The following NRXN1 variants were observed in gnomAD, a reference collection of about 807,000 sequenced individuals.
NRXN1 encodes neurexin 1, also known as neurexin-1.
Under a neutral mutation model 150.9 loss-of-function variants are expected in NRXN1, and 39 were observed. The observed-to-expected ratio is 0.26, with a 90% confidence interval of 0.20 to 0.34. The LOEUF (loss-of-function observed/expected upper bound fraction) is 0.34, where lower values mean the gene tolerates loss of function less well. Ranked by LOEUF, NRXN1 falls within the 10% of genes least tolerant of loss-of-function variation. NRXN1 has a pLI of 1.00. For missense variants in NRXN1, 1,815 were observed against 1,949.9 expected, an observed-to-expected ratio of 0.93 and a Z score of 1.30; for synonymous variants, 924 against 757.0, an observed-to-expected ratio of 1.22 and a Z score of -3.62.
At chr2:50,298,898 A>C (rs2073888248) in intron 17 of NRXN1, among the ~76,000 whole-genome samples, 1 of 152,148 alleles carries the variant, frequency 6.6e-6, no homozygotes, top group African/African-American at 2.4e-5. Context: ...TTTTGAAATG[A>C]ACATTTATTT....
intron 5 of NRXN1, among the ~76,000 whole-genome samples, chr2:50,810,315 C>A (rs1047376084): frequency 6.6e-6 from 1 of 152,176 alleles, no homozygotes. Context: ...CTTTCAAAAT[C>A]TGTTTTCATA....
At chr2:50,127,641 T>C (rs115968016) in intron 18 of NRXN1, among the ~76,000 whole-genome samples, 1,763 of 152,232 alleles carry the variant, frequency 0.012, 36 homozygotes, top group African/African-American at 0.04. Flanking sequence ...TATCTCTCAA[T>C]TTAGGAGACA....
intron 17 of NRXN1, among the ~76,000 whole-genome samples, chr2:50,427,504 T>A (rs1443824329): frequency 2.0e-5 from 3 of 152,184 alleles, no homozygotes; most frequent in Non-Finnish European, 4.4e-5. Flanking sequence ...TAGGTTGGTT[T>A]CTCTAGCAGA....
At chr2:50,617,779 TA>T (rs200561868) in intron 8 of NRXN1, among the ~76,000 whole-genome samples, 19 of 151,296 alleles carry the variant, frequency 1.3e-4, no homozygotes, top group African/African-American at 1.2e-4. Flanking sequence ...AAGGCCAATA[TA>T]AAAAAAAATG....
intron 8 of NRXN1, among the ~76,000 whole-genome samples, chr2:50,582,167 T>A (rs992686030): frequency 6.6e-6 from 1 of 152,142 alleles, no homozygotes; most frequent in Non-Finnish European, 1.5e-5. Context: ...TCGCTATAAA[T>A]TGCAGCTTTG....
At chr2:50,359,688 G>A (rs1047764071) in intron 17 of NRXN1, among the ~76,000 whole-genome samples, 2 of 152,084 alleles carry the variant, frequency 1.3e-5, no homozygotes, top group Non-Finnish European at 2.9e-5. Context: ...CACACTTCAG[G>A]ATATTATCCA....
chr2:49,960,837 T>A (rs1480381941), intron 21 of NRXN1, among the ~76,000 whole-genome samples: 2 of 152,214 alleles, frequency 1.3e-5, no homozygotes, highest in Admixed American at 6.5e-5. Flanking sequence ...ACTGAACTCA[T>A]GCTTCATTGA....
chr2:50,273,931 G>C (rs924588537), intron 17 of NRXN1, among the ~76,000 whole-genome samples: 2 of 152,230 alleles, frequency 1.3e-5, no homozygotes, highest in South Asian at 2.1e-4. Flanking sequence ...GTTGGTGGGA[G>C]TGTAAATTAG....
chr2:49,922,372 A>G lies in NRXN1; in HGVS notation c.4217-121T>C, dbSNP rs17039448. Reference sequence around the variant, plus strand: ...ACCTATGCTTTAGGAAAGGTATGCTATTGATAAATGTAGCCATCCCTTTGC... The same window carrying G: ...ACCTATGCTTTAGGAAAGGTATGCTGTTGATAAATGTAGCCATCCCTTTGC... On this transcript the variant is annotated intron_variant, in intron 22 of 22. Transcript: ENST00000401669. 200,297 of 1,021,556 alleles carry G rather than the reference A, an allele frequency of 0.2. 21,074 individuals are homozygous for G. Among genetic ancestry groups the G allele is most frequent in the East Asian group, 0.3 (11,640 of 38,554 alleles). The allele number at this position is 1,021,556 out of a possible 1,614,324, so 63.3% of individuals were successfully genotyped here.
Position 50,253,167 on chromosome 2 carries a change from G to A in NRXN1, c.3365-16197C>T, listed in dbSNP as rs192947690. Among the ~76,000 whole-genome samples the A allele has an allele frequency of 7.2e-5, 11 of 152,100 alleles. No homozygotes were observed. The East Asian group carries it at 2.1e-3, about 29-fold the overall frequency. ...TATTCCTAGGTATTTTATTGTTTTT[G>A]TAGTAATTGTGAATGGGAGTTCATT... On this transcript the variant is annotated intron_variant, in intron 17 of 22. Transcript: ENST00000401669.
chr2:50,867,837 T>C lies in NRXN1; in HGVS notation c.832+54032A>G, dbSNP rs375345220. ...AAAAAGAGTAATTTTCTGAAGTATTTTTGACAGCAATTAATTTCACAGGGG... is the reference window on the plus strand; with the variant it reads ...AAAAAGAGTAATTTTCTGAAGTATTCTTGACAGCAATTAATTTCACAGGGG... On this transcript the variant is annotated intron_variant, in intron 5 of 22. Transcript: ENST00000401669. Among the ~76,000 whole-genome samples, 51 of 151,854 alleles carry C rather than the reference T, an allele frequency of 3.4e-4. No homozygotes were observed. The South Asian group carries it at 1.0e-2, about 30-fold the overall frequency.
intron 5 of NRXN1, among the ~76,000 whole-genome samples, chr2:50,662,176 G>A (rs1687395537): frequency 6.6e-6 from 1 of 151,950 alleles, no homozygotes; most frequent in African/African-American, 2.4e-5. Flanking sequence ...TCATCTGCAA[G>A]GAAAAGCTGC....
At chr2:49,939,814 A>C (rs1671665812) in intron 22 of NRXN1, among the ~76,000 whole-genome samples, 1 of 152,210 alleles carries the variant, frequency 6.6e-6, no homozygotes, top group Admixed American at 6.5e-5. Context: ...CTGAAGGTAT[A>C]AACTTTCTAT....
At chr2:50,881,377 C>T (rs1202339161) in intron 5 of NRXN1, among the ~76,000 whole-genome samples, 2 of 151,894 alleles carry the variant, frequency 1.3e-5, no homozygotes, top group East Asian at 3.9e-4. Flanking sequence ...TGAAAAATAG[C>T]ATTGAATCCT....
intron 17 of NRXN1, among the ~76,000 whole-genome samples, chr2:50,334,367 C>T (rs947402677): frequency 6.6e-6 from 1 of 151,856 alleles, no homozygotes; most frequent in African/African-American, 2.4e-5. Flanking sequence ...CTGTTGTTTT[C>T]TTTTAAAAGC....
chr2:50,138,247 T>G (rs1706710181), intron 18 of NRXN1, among the ~76,000 whole-genome samples: 1 of 152,182 alleles, frequency 6.6e-6, no homozygotes, highest in African/African-American at 2.4e-5. Context: ...TTTATAAGTA[T>G]GTATATATTG....
intron 21 of NRXN1, among the ~76,000 whole-genome samples, chr2:49,954,206 C>T (rs180958399): frequency 2.1e-4 from 30 of 141,340 alleles, no homozygotes; most frequent in African/African-American, 8.9e-4. Context: ...TACACTAGCC[C>T]CTCACACAGA....
rs75437010 is a variant in NRXN1 at position 50,256,238 on chromosome 2, T to C, written c.3365-19268A>G. On this transcript the variant is annotated intron_variant, in intron 17 of 22. Transcript: ENST00000401669. ...GGAGAGCTTTCTGAAAACTCAGCAA[T>C]ATCCTGGGAGAAATGATGCTACTAG... is the stretch of plus-strand genomic sequence containing the variant. 2.3e-4 allele frequency among the ~76,000 whole-genome samples: 35 copies of C among 152,284 alleles called. No individual in the cohort carries two copies. In the East Asian group the frequency reaches 5.0e-3, roughly 22 times the overall value.
intron 22 of NRXN1, among the ~76,000 whole-genome samples, chr2:49,924,571 A>C (rs980400402): frequency 1.2e-4 from 19 of 152,354 alleles, no homozygotes; most frequent in African/African-American, 4.6e-4. Flanking sequence ...CAAAGACCAT[A>C]ACAAAGCCTG....
Sources: gnomAD v4.1 joint callset for allele counts (sites outside exome capture counted in the v4.1 genomes callset) on GRCh38, gnomAD v4.1.1 for gene constraint, MANE v1.5 for transcripts, NCBI Gene and HGNC (gene_info 2026-07-23, HGNC 2026-07-21) for gene names.